The following GLIS3 variants were observed in gnomAD, a reference collection of about 807,000 sequenced individuals.
GLIS3 encodes the protein zinc finger protein GLIS3.
Under a neutral mutation model 78.6 loss-of-function variants are expected in GLIS3, and 53 were observed. That is an observed-to-expected ratio of 0.67 (90% CI 0.54 to 0.85). GLIS3 has a LOEUF of 0.85. Ranked by LOEUF, GLIS3 falls within the 40% of genes least tolerant of loss-of-function variation. The probability of loss-of-function intolerance (pLI) is 0.00; values close to 1 mark genes in which losing one functional copy is unlikely to be tolerated. For synonymous variants in GLIS3, 684 were observed against 509.9 expected (o/e 1.34, Z -4.60); for missense variants, 1,703 against 1,231.1 (o/e 1.38, Z -5.74).
intron 4 of GLIS3, among the ~76,000 whole-genome samples, chr9:3,965,163 T>C (rs1466749968): frequency 6.7e-6 from 1 of 150,194 alleles, no homozygotes; most frequent in Non-Finnish European, 1.5e-5. Context: ...TCCTTTACCC[T>C]ACTTCTTTTC....
intron 4 of GLIS3, among the ~76,000 whole-genome samples, chr9:4,026,824 CTG>C (rs1163778695): frequency 2.6e-5 from 4 of 152,296 alleles, no homozygotes; most frequent in African/African-American, 9.6e-5. Flanking sequence ...TGGCCAAACA[CTG>C]TAAATATGAT....
At chr9:4,308,747 A>G (rs746974397) in intron 4 of GLIS3, 4 of 152,310 alleles carry the variant, frequency 2.6e-5, no homozygotes, top group Non-Finnish European at 5.9e-5. Context: ...AACCATTGTC[A>G]TAAAGCCCTC....
intron 4 of GLIS3, among the ~76,000 whole-genome samples, chr9:4,115,354 G>C (rs1388711103): frequency 6.6e-6 from 1 of 152,124 alleles, no homozygotes; most frequent in Non-Finnish European, 1.5e-5. Flanking sequence ...TCCAAAAGAA[G>C]AATGTGGCCA....
intron 4 of GLIS3, among the ~76,000 whole-genome samples, chr9:4,037,038 T>C (rs1824375749): frequency 6.6e-6 from 1 of 152,142 alleles, no homozygotes; most frequent in Admixed American, 6.5e-5. Context: ...CTGTATAATT[T>C]ACTAGGGAAG....
intron 4 of GLIS3, among the ~76,000 whole-genome samples, chr9:4,100,776 G>C (rs996605277): frequency 2.0e-5 from 3 of 152,172 alleles, no homozygotes; most frequent in African/African-American, 7.2e-5. Flanking sequence ...CCTGAGCATA[G>C]AAAGCCATTT....
the GLIS3 span, among the ~76,000 whole-genome samples, chr9:4,397,850 T>C: frequency 4.6e-5 from 7 of 151,900 alleles, no homozygotes; most frequent in Middle Eastern, 6.8e-3. Flanking sequence ...AAGTATTCCT[T>C]GGATGGGATG....
chr9:4,194,722 G>C (rs1302268100), intron 2 of GLIS3, among the ~76,000 whole-genome samples: 1 of 152,206 alleles, frequency 6.6e-6, no homozygotes, highest in Non-Finnish European at 1.5e-5. Flanking sequence ...GTACCTGAGA[G>C]AGGGAGGGAG....
chr9:4,059,557 C>G (rs546293892), intron 4 of GLIS3, among the ~76,000 whole-genome samples: 3 of 152,300 alleles, frequency 2.0e-5, no homozygotes, highest in South Asian at 4.1e-4. Context: ...GGCCTTCTGC[C>G]TACCATCCTT....
At chr9:4,353,993 A>ATTTTTTTTTTTTTTTTTTTTT in the GLIS3 span, among the ~76,000 whole-genome samples, 23 of 135,740 alleles carry the variant, frequency 1.7e-4, no homozygotes, top group Non-Finnish European at 2.7e-4. Flanking sequence ...ACACCCGGCT[A>ATTTTTTTTTTTTTTTTTTTTT]TTTTTTTTTT....
chr9:3,871,696 G>T (rs950369051), intron 8 of GLIS3, among the ~76,000 whole-genome samples: 1 of 152,190 alleles, frequency 6.6e-6, no homozygotes, highest in African/African-American at 2.4e-5. Flanking sequence ...ACACAGCACA[G>T]GGACCCTGGG....
At chr9:4,440,549 A>C in the GLIS3 span, among the ~76,000 whole-genome samples, 2 of 151,798 alleles carry the variant, frequency 1.3e-5, no homozygotes, top group African/African-American at 4.8e-5. Flanking sequence ...GTCTGTTTTT[A>C]TTGGTTATTT....
At chr9:3,934,835 T>G (rs1303081092) in intron 5 of GLIS3, among the ~76,000 whole-genome samples, 1 of 152,192 alleles carries the variant, frequency 6.6e-6, no homozygotes, top group African/African-American at 2.4e-5. Flanking sequence ...AAAAAAGTAA[T>G]GTCAGGGACT....
chr9:4,482,226 G>A, the GLIS3 span, among the ~76,000 whole-genome samples: 5 of 152,170 alleles, frequency 3.3e-5, no homozygotes, highest in East Asian at 1.9e-4. Flanking sequence ...TTGTCAGAGT[G>A]AGCAATAAAG....
At chr9:4,285,761 C>A (rs1482759024) in intron 2 of GLIS3, 5 of 451,438 alleles carry the variant, frequency 1.1e-5, no homozygotes, top group African/African-American at 7.9e-5. Context: ...CCACCACAAC[C>A]ACTCAGCCTG....
At chr9:4,113,928 A>G (rs1361807744) in intron 4 of GLIS3, among the ~76,000 whole-genome samples, 1 of 152,214 alleles carries the variant, frequency 6.6e-6, no homozygotes, top group African/African-American at 2.4e-5. Flanking sequence ...CATTTTCATG[A>G]AAATCCATGG....
At chr9:3,897,644 G>A (rs1345558062) in intron 7 of GLIS3, among the ~76,000 whole-genome samples, 1 of 152,154 alleles carries the variant, frequency 6.6e-6, no homozygotes, top group Non-Finnish European at 1.5e-5. Context: ...GGTCCAATGG[G>A]CCATGATTAA....
the GLIS3 span, among the ~76,000 whole-genome samples, chr9:4,437,678 C>A: frequency 2.6e-5 from 4 of 152,044 alleles, no homozygotes; most frequent in African/African-American, 7.2e-5. Flanking sequence ...ACCAAGTGTG[C>A]CTGCCTTCCC....
intron 4 of GLIS3, among the ~76,000 whole-genome samples, chr9:3,997,627 A>G (rs1198016744): frequency 6.6e-6 from 1 of 152,058 alleles, no homozygotes; most frequent in African/African-American, 2.4e-5. Context: ...TTCATTGATC[A>G]TGCCACTGAG....
intron 2 of GLIS3, among the ~76,000 whole-genome samples, chr9:4,276,174 T>C (rs1022088268): frequency 6.7e-6 from 1 of 149,934 alleles, no homozygotes; most frequent in Non-Finnish European, 1.5e-5. Flanking sequence ...TCCCAGCTAC[T>C]TGGGAGGCTG....
Sources: gnomAD v4.1 joint callset for allele counts (sites outside exome capture counted in the v4.1 genomes callset) on GRCh38, gnomAD v4.1.1 for gene constraint, MANE v1.5 for transcripts, NCBI Gene and HGNC (gene_info 2026-07-23, HGNC 2026-07-21) for gene names.